Variants in CAST observed in about 807,000 individuals in gnomAD.
The protein encoded by CAST is calpastatin.
A neutral mutation model predicts 119.6 loss-of-function variants in CAST; 76 were observed. The ratio of observed to expected loss-of-function variants is 0.64; its 90% CI spans 0.53 to 0.77. The LOEUF is 0.77. CAST is among the 30% of genes least tolerant of loss of function. The pLI, the probability that CAST is intolerant of heterozygous loss-of-function variation, is 0.00. For synonymous variants in CAST, 319 were observed against 331.6 expected (o/e 0.96, Z 0.41); for missense variants, 953 against 946.5 (o/e 1.01, Z -0.09).
chr5:96,235,683 C>T, the CAST span, among the ~76,000 whole-genome samples: 1 of 152,134 alleles, frequency 6.6e-6, no homozygotes, highest in Non-Finnish European at 1.5e-5. Context: ...CTCCCCACAC[C>T]ATGGCCCTAA....
chr5:96,216,548 C>CA, the CAST span, among the ~76,000 whole-genome samples: 2 of 152,058 alleles, frequency 1.3e-5, no homozygotes, highest in African/African-American at 4.8e-5. Flanking sequence ...GATCTTTTAC[C>CA]CACACATGAT....
chr5:96,750,507 T>C (rs1432660110), intron 19 of CAST, 80 bp from the exon 20 acceptor site: 17 of 804,480 alleles, frequency 2.1e-5, no homozygotes, highest in Non-Finnish European at 3.7e-5. Context: ...TGTAGCGGAG[T>C]GTCTTGTTGG....
rs1451357577 is a variant in CAST, at chr5:96,750,601, TGCTCCA to T, written c.1449_1454del (p.Ala484_Pro485del). The T allele has an allele frequency of 1.9e-6, 3 of 1,612,624 alleles. No individual in the cohort carries two copies. Among genetic ancestry groups the T allele is most frequent in the Middle Eastern group, 3.3e-4 (2 of 6,050 alleles). Reference sequence around the variant, plus strand: ...TCTTTCCTCAGGAATCTAAGGCCGCTGCTCCAGCTCCTGTGTCGGAGGCTGTGTGTC... The same window carrying T: ...TCTTTCCTCAGGAATCTAAGGCCGCTGCTCCTGTGTCGGAGGCTGTGTGTC... On this transcript the variant is annotated inframe_deletion, in exon 20 of 32. Coordinates refer to ENST00000675179, the MANE Select transcript of CAST (RefSeq NM_001750.7).
chr5:96,293,939 T>A, the CAST span, among the ~76,000 whole-genome samples: 2 of 152,012 alleles, frequency 1.3e-5, no homozygotes, highest in African/African-American at 4.8e-5. Flanking sequence ...TTTGTATTTT[T>A]AGTAGAGATG....
At chr5:96,495,456 C>T in the CAST span, among the ~76,000 whole-genome samples, 9 of 152,088 alleles carry the variant, frequency 5.9e-5, no homozygotes, top group African/African-American at 2.2e-4. Flanking sequence ...GTGTGATGTT[C>T]CCCTCCCTGT....
chr5:96,402,959 A>G, the CAST span, among the ~76,000 whole-genome samples: 2 of 152,266 alleles, frequency 1.3e-5, no homozygotes, highest in South Asian at 4.2e-4. Context: ...AGTCTTTTAA[A>G]AGGAGTTTTA....
the CAST span, among the ~76,000 whole-genome samples, chr5:96,006,572 G>A: frequency 3.3e-5 from 5 of 152,226 alleles, no homozygotes; most frequent in African/African-American, 1.2e-4. Context: ...TGATTTATCT[G>A]CTGACTTCAG....
chr5:96,403,395 C>T, the CAST span, among the ~76,000 whole-genome samples: 1 of 152,234 alleles, frequency 6.6e-6, no homozygotes, highest in East Asian at 1.9e-4. Flanking sequence ...GGTATATCTC[C>T]TAATGCTATC....
At chr5:96,084,003 T>C in the CAST span, among the ~76,000 whole-genome samples, 3,127 of 152,292 alleles carry the variant, frequency 0.021, 82 homozygotes, top group South Asian at 0.075. Context: ...AAAATAAGGA[T>C]TAAATGCGTT....
chr5:96,037,344 T>C, the CAST span, among the ~76,000 whole-genome samples: 3 of 152,168 alleles, frequency 2.0e-5, no homozygotes, highest in Non-Finnish European at 2.9e-5. Flanking sequence ...TCTACTTTGC[T>C]ATGACTAATT....
upstream of CAST, among the ~76,000 whole-genome samples, chr5:96,660,933 GTAAGTACGACACTT>G (rs1703141036): frequency 6.6e-6 from 1 of 151,588 alleles, no homozygotes; most frequent in African/African-American, 2.4e-5. Context: ...TACACAGACA[GTAAGTACGACACTT>G]TAAGAGGAAA....
chr5:96,278,762 T>A, the CAST span: 1 of 152,342 alleles, frequency 6.6e-6, no homozygotes, highest in Non-Finnish European at 1.5e-5. Context: ...CACACATGCA[T>A]ATACACATAC....
At chr5:96,387,952 ATCC>A in the CAST span, among the ~76,000 whole-genome samples, 1 of 152,198 alleles carries the variant, frequency 6.6e-6, no homozygotes, top group East Asian at 1.9e-4. Context: ...GTTTTCCTCT[ATCC>A]TCTTCTAAGA....
At chr5:96,601,367 T>A (rs1747149437) in intron 1 of CAST, among the ~76,000 whole-genome samples, 1 of 152,238 alleles carries the variant, frequency 6.6e-6, no homozygotes, top group African/African-American at 2.4e-5. Context: ...GCTGCCTGAT[T>A]GACTAATTTC....
intron 3 of CAST, among the ~76,000 whole-genome samples, chr5:96,704,296 A>C (rs1398996459): frequency 6.6e-6 from 1 of 152,230 alleles, no homozygotes; most frequent in Non-Finnish European, 1.5e-5. Context: ...TTGATTATAT[A>C]GAATTAGTGG....
the CAST span, among the ~76,000 whole-genome samples, chr5:96,096,099 T>C: frequency 6.6e-6 from 1 of 152,148 alleles, no homozygotes; most frequent in Non-Finnish European, 1.5e-5. Flanking sequence ...CTTTACCTAA[T>C]CTCAATCATG....
the CAST span, among the ~76,000 whole-genome samples, chr5:96,379,401 A>AC: frequency 6.6e-6 from 1 of 152,220 alleles, no homozygotes. Flanking sequence ...TCACATTGGG[A>AC]AAACGTTTCC....
At chr5:96,333,389 C>A in the CAST span, among the ~76,000 whole-genome samples, 1 of 152,146 alleles carries the variant, frequency 6.6e-6, no homozygotes, top group African/African-American at 2.4e-5. Context: ...TTGACTTAGA[C>A]GCCCTAGGTG....
At chr5:96,355,994 C>G in the CAST span, among the ~76,000 whole-genome samples, 1 of 152,088 alleles carries the variant, frequency 6.6e-6, no homozygotes, top group African/African-American at 2.4e-5. Flanking sequence ...ACCACTGCAC[C>G]CGGCCTGTTT....
Sources: allele counts gnomAD v4.1 joint callset (sites outside exome capture counted in the v4.1 genomes callset), GRCh38; gene constraint gnomAD v4.1.1; transcripts MANE v1.5; gene names NCBI Gene and HGNC (gene_info 2026-07-23, HGNC 2026-07-21).